Variants in SLC6A7 observed in about 807,000 individuals in gnomAD.
The protein encoded by SLC6A7 is sodium-dependent proline transporter.
Under a neutral mutation model 73.1 loss-of-function variants are expected in SLC6A7, and 58 were observed. The ratio of observed to expected loss-of-function variants is 0.79; its 90% CI spans 0.64 to 0.99. The LOEUF is 0.99. Ranked by LOEUF, SLC6A7 falls within the 50% of genes least tolerant of loss-of-function variation. The pLI is 0.00. For missense variants in SLC6A7, 783 were observed against 831.4 expected (o/e 0.94, Z 0.72); for synonymous variants, 338 against 338.7 (o/e 1.00, Z 0.02).
intron 13 of SLC6A7, among the ~76,000 whole-genome samples, chr5:150,207,786 G>A (rs1366079546): frequency 3.3e-5 from 5 of 152,102 alleles, no homozygotes; most frequent in African/African-American, 1.2e-4. Context: ...CCTCTCATTA[G>A]GACACTGTAA....
chr5:150,202,300 G>T (rs1339141877), intron 6 of SLC6A7, 47 bp from the exon 7 acceptor site: 1 of 1,322,972 alleles, frequency 7.6e-7, no homozygotes, highest in Non-Finnish European at 1.1e-6. Context: ...TTCCTTCTCT[G>T]TCCTTGACCA....
At chr5:150,203,073 C>CA (rs552671431) in intron 8 of SLC6A7, among the ~76,000 whole-genome samples, 1,586 of 125,270 alleles carry the variant, frequency 0.013, 34 homozygotes, top group South Asian at 0.036. Context: ...GACTCTGCCT[C>CA]AAAAAAAAAA....
intron 12 of SLC6A7, 31 bp from the exon 13 acceptor site, chr5:150,205,425 C>G (rs148027213): frequency 3.2e-6 from 5 of 1,560,734 alleles, no homozygotes; most frequent in Non-Finnish European, 4.3e-6. Context: ...GACAAAAGCC[C>G]GCAGTGATGC....
At chr5:150,209,344 A>G in intron 13 of SLC6A7, 62 bp from the exon 14 acceptor site, 1 of 1,389,864 alleles carries the variant, frequency 7.2e-7, no homozygotes, top group Non-Finnish European at 1.0e-6. Context: ...GTCTGGCCAC[A>G]GTGAACCCTC....
chr5:150,196,905 G>A (rs1753052890), intron 3 of SLC6A7, 58 bp downstream of exon 3: 2 of 1,577,160 alleles, frequency 1.3e-6, no homozygotes. Flanking sequence ...GAGGCAGGGA[G>A]GTTGCCCCCA....
chr5:150,207,341 C>T (rs1305319299), intron 13 of SLC6A7, among the ~76,000 whole-genome samples: 4 of 152,046 alleles, frequency 2.6e-5, no homozygotes, highest in African/African-American at 4.8e-5. Context: ...CTGCAACCTC[C>T]GCCTCCCGGG....
intron 6 of SLC6A7, 50 bp from the exon 7 acceptor site, chr5:150,202,297 T>C (rs754647787): frequency 9.4e-6 from 12 of 1,279,862 alleles, no homozygotes; most frequent in Admixed American, 6.8e-5. Flanking sequence ...GCCTTCCTTC[T>C]CTGTCCTTGA....
chr5:150,190,504 AG>A (rs1752727602), intron 1 of SLC6A7, 144 bp downstream of exon 1: 1 of 550,344 alleles, frequency 1.8e-6, no homozygotes, highest in Non-Finnish European at 3.1e-6. Context: ...GCTGGATAAC[AG>A]GGAGGGTCAG....
chr5:150,209,555 C>G lies in SLC6A7; in HGVS notation c.1851C>G (p.Phe617Leu). Residue 617 changes from phenylalanine (F) to leucine (L), a missense_variant, in exon 14 of 14, where the codon TTC becomes TTG. Phe to Leu is a conservative substitution (Grantham distance 22). Transcript: ENST00000230671. ...HMRKYGGITS[F>L]ENTAIEVDRE... ...GCAAGTACGGGGGCATCACCAGCTT[C>G]GAGAACACGGCCATCGAGGTGGACC... 6.2e-7 allele frequency: 1 copy of G among 1,614,028 alleles called. No homozygotes were observed. Among genetic ancestry groups the G allele is most frequent in the Non-Finnish European group, 8.5e-7 (1 of 1,179,940 alleles).
At chr5:150,198,799 C>G (rs1251252754) in intron 4 of SLC6A7, among the ~76,000 whole-genome samples, 1 of 141,868 alleles carries the variant, frequency 7.0e-6, no homozygotes, top group East Asian at 2.0e-4. Context: ...CAGTCATGGC[C>G]AGGCCCTGGA....
In SLC6A7 at chr5:150,209,803, A is replaced by G; in HGVS notation, c.*188A>G. The G allele has an allele frequency of 1.8e-6, 1 of 559,278 alleles. No individual in the cohort carries two copies. The highest frequency in any genetic ancestry group is 2.0e-5 in the South Asian group (1 of 49,314). The allele number at this position is 559,278 out of a possible 1,614,324, so 34.6% of individuals were successfully genotyped here. ...CTCCTGAAACCTCTGACAACCCCCT[A>G]CACACACACACAGGCATACTCAGAC... On this transcript the variant is annotated 3_prime_UTR_variant, in exon 14 of 14. Transcript: ENST00000230671.
Position 150,190,417 on chromosome 5 carries a change from C to T in SLC6A7, c.33+57C>T, listed in dbSNP as rs918305451. On this transcript the variant is annotated intron_variant, in intron 1 of 13. Transcript: ENST00000230671. ...CACCTGGAGGAGGGTTGGAGAGACC[C>T]GCCCCCAACGAGGCCCCTGGGGAAG... The T allele has an allele frequency of 3.1e-5, 39 of 1,257,028 alleles. 1 individual carries two copies. In the South Asian group the frequency reaches 5.1e-4, roughly 16 times the overall value. 77.9% of individuals were successfully genotyped at this position (1,257,028 alleles called of 1,614,324 possible).
chr5:150,192,065 T>C (rs1055734229), intron 1 of SLC6A7, among the ~76,000 whole-genome samples: 2 of 151,758 alleles, frequency 1.3e-5, no homozygotes, highest in African/African-American at 2.4e-5. Flanking sequence ...TGCTACCTCC[T>C]CTCAGGGTCC....
rs560979440 is a variant in SLC6A7 at position 150,202,687 on chromosome 5, C to T, written c.1071C>T (p.Asp357=). Residue 357 remains aspartate (D), a synonymous_variant, in exon 8 of 14, where the codon GAC becomes GAT. Coordinates refer to ENST00000230671, the MANE Select transcript of SLC6A7 (RefSeq NM_014228.5). ...CTCAGGAGCTGGGCGTGCCTGTGGA[C>T]CAAGTAGCCAAAGCAGGTGGGCAGG... ...YMSQELGVPV[D]QVAKAGPGLA... is the part of the protein sequence containing the mutation. 6.2e-7 allele frequency: 1 copy of T among 1,613,984 alleles called. No individual in the cohort carries two copies. The highest frequency in any genetic ancestry group is 8.5e-7 in the Non-Finnish European group (1 of 1,179,994).
rs375269206 is a variant in SLC6A7 at position 150,192,064 on chromosome 5, C to A, written c.33+1704C>A. Among the ~76,000 whole-genome samples the A allele has an allele frequency of 2.8e-4, 43 of 151,894 alleles. No individual in the cohort carries two copies. The South Asian group carries it at 4.4e-3, about 16-fold the overall frequency. ...AGGGTTGGTTCTAGGTTGCTACCTC[C>A]TCTCAGGGTCCTTTCCCTTTTCTCA... On this transcript the variant is annotated intron_variant, in intron 1 of 13. Transcript: ENST00000230671.
chr5:150,203,857 G>GTA (rs1455536571), intron 9 of SLC6A7, 50 bp from the exon 10 acceptor site: 4 of 1,570,602 alleles, frequency 2.5e-6, no homozygotes, highest in Non-Finnish European at 3.5e-6. Flanking sequence ...GTGTGTGTGT[G>GTA]TGTGTGTTGG....
intron 1 of SLC6A7, 120 bp downstream of exon 1, chr5:150,190,480 G>C: frequency 1.6e-6 from 1 of 639,222 alleles, no homozygotes; most frequent in Non-Finnish European, 2.5e-6. Context: ...GGGCTCTGGG[G>C]AAGGCCCGAC....
At chr5:150,190,463 C>T (rs1285300465) in intron 1 of SLC6A7, 103 bp downstream of exon 1, 1 of 746,356 alleles carries the variant, frequency 1.3e-6, no homozygotes, top group Non-Finnish European at 2.0e-6. Context: ...GCACCCAGAC[C>T]AGCTTCGGGC....
In SLC6A7 at chr5:150,203,878, C is replaced by T. The variant is rs748118853; in HGVS notation, c.1201-29C>T. The T allele has an allele frequency of 1.4e-5, 21 of 1,550,258 alleles. No individual in the cohort carries two copies. The Admixed American group carries it at 3.1e-4, about 23-fold the overall frequency. The stretch of plus-strand genomic sequence containing the variant: ...GTGTGTGTGTGTTGGGGATAGAATT[C>T]TGACCCCCAGCCCCTCCTCTCTCCT... On this transcript the variant is annotated intron_variant, in intron 9 of 13. Transcript: ENST00000230671.
Sources: allele counts gnomAD v4.1 joint callset (sites outside exome capture counted in the v4.1 genomes callset), GRCh38; gene constraint gnomAD v4.1.1; transcripts MANE v1.5; gene names NCBI Gene and HGNC (gene_info 2026-07-23, HGNC 2026-07-21).